Variants in SEPTIN2 observed in about 807,000 individuals in gnomAD.
The protein encoded by SEPTIN2 is septin-2.
In SEPTIN2, 34 loss-of-function variants were observed where a neutral mutation model predicts 46.5. The observed-to-expected ratio is 0.73, with a 90% CI of 0.56 to 0.97. The LOEUF (loss-of-function observed/expected upper bound fraction) is 0.97, where lower values mean the gene tolerates loss of function less well. Among genes scored for constraint, SEPTIN2 ranks in the 50% least tolerant of loss-of-function variants. The probability of loss-of-function intolerance (pLI) is 0.00; values close to 1 mark genes in which losing one functional copy is unlikely to be tolerated. For missense variants in SEPTIN2, 347 were observed against 448.4 expected, an observed-to-expected ratio of 0.77 and a Z score of 2.04; for synonymous variants, 175 against 153.4, an observed-to-expected ratio of 1.14 and a Z score of -1.04.
At chr2:241,333,665 G>A (rs562014983) in intron 3 of SEPTIN2, among the ~76,000 whole-genome samples, 38 of 151,628 alleles carry the variant, frequency 2.5e-4, no homozygotes, top group Non-Finnish European at 4.7e-4. Flanking sequence ...CACCACGCCC[G>A]GCTAATTTTT....
chr2:241,334,606 G>A (rs755652031), intron 3 of SEPTIN2, among the ~76,000 whole-genome samples: 2 of 152,178 alleles, frequency 1.3e-5, no homozygotes, highest in Non-Finnish European at 2.9e-5. Context: ...TGGCAGAAGG[G>A]GGAGGTTGCA....
chr2:241,333,941 C>T (rs1014606715), intron 3 of SEPTIN2, among the ~76,000 whole-genome samples: 13 of 151,914 alleles, frequency 8.6e-5, no homozygotes, highest in Admixed American at 2.0e-4. Context: ...ATCTCTAACT[C>T]CTGGGCTCAA....
At chr2:241,333,260 A>G (rs1372891194) in intron 3 of SEPTIN2, among the ~76,000 whole-genome samples, 2 of 152,216 alleles carry the variant, frequency 1.3e-5, no homozygotes, top group Non-Finnish European at 2.9e-5. Flanking sequence ...AACACACCTA[A>G]TTAGTAAATG....
chr2:241,320,289 T>C (rs1472057218), intron 1 of SEPTIN2: 1 of 471,202 alleles, frequency 2.1e-6, no homozygotes, highest in South Asian at 1.5e-5. Flanking sequence ...TTTTCATTGG[T>C]ATGTCTTTAA....
chr2:241,335,711 C>A lies in SEPTIN2; in HGVS notation c.218-264C>A, dbSNP rs955059812. The A allele has an allele frequency of 5.3e-6, 3 of 568,362 alleles. No homozygotes were observed. The African/African-American group carries it at 5.6e-5, about 11-fold the overall frequency. 35.2% of individuals were successfully genotyped at this position (568,362 alleles called of 1,614,324 possible). A position where few individuals can be genotyped will look rare whatever the true frequency, so the allele number is the denominator to read the frequency against. ...TTTGAATTCAGTTTTTAAATGAATTCGTAAATTGCTTTCTTTTTCCCAGGA... is the reference window on the plus strand; with the variant it reads ...TTTGAATTCAGTTTTTAAATGAATTAGTAAATTGCTTTCTTTTTCCCAGGA... On this transcript the variant is annotated intron_variant, in intron 4 of 12. Transcript: ENST00000391971.
rs1575361967 is a variant in SEPTIN2 at position 241,343,804 on chromosome 2, G to A, written c.749G>A (p.Gly250Glu). ...TCCAATCAGTTGATTGAAGCCAAAG[G>A]AAAGAAGGTCAGAGGCCGCCTCTAC... ...VGSNQLIEAK[G>E]KKVRGRLYPW... Residue 250 changes from glycine to glutamate, a missense_variant, in exon 9 of 13, where the codon GGA becomes GAA. Coordinates refer to ENST00000391971, the MANE Select transcript of SEPTIN2 (RefSeq NM_004404.5). 3 of 1,614,192 alleles carry A rather than the reference G, an allele frequency of 1.9e-6. No homozygotes were observed. The South Asian group carries it at 3.3e-5, about 18-fold the overall frequency.
At chr2:241,346,381 A>G (rs1310024252) in intron 10 of SEPTIN2, 132 bp downstream of exon 10, 2 of 574,102 alleles carry the variant, frequency 3.5e-6, no homozygotes, top group African/African-American at 1.9e-5. Context: ...AAGTTATTAT[A>G]AAAGAGTTGT....
chr2:241,319,056 T>C (rs566177654), intron 1 of SEPTIN2, among the ~76,000 whole-genome samples: 7 of 152,362 alleles, frequency 4.6e-5, no homozygotes, highest in African/African-American at 1.7e-4. Context: ...CTTTTGATTT[T>C]CTTGTTTCAT....
chr2:241,316,527 G>C (rs1052546266), intron 1 of SEPTIN2: 1 of 1,521,974 alleles, frequency 6.6e-7, no homozygotes, highest in African/African-American at 1.4e-5. Flanking sequence ...CTTCGGCGAG[G>C]AGAGGCGACG....
At chr2:241,351,452 T>G (rs2060785630) in intron 12 of SEPTIN2, 1 of 152,226 alleles carries the variant, frequency 6.6e-6, no homozygotes, top group Non-Finnish European at 1.5e-5. Flanking sequence ...AGAATAGTCC[T>G]GAGGGTATGT....
chr2:241,337,789 G>A lies in SEPTIN2; in HGVS notation c.593G>A (p.Arg198Lys), dbSNP rs771203614. 59 of 1,610,514 alleles carry A rather than the reference G, an allele frequency of 3.7e-5. No individual in the cohort carries two copies. The highest frequency in any genetic ancestry group is 4.8e-5 in the Non-Finnish European group (57 of 1,176,956). Residue 198 changes from arginine to lysine, a missense_variant and splice_region_variant, in exon 7 of 13, where the codon AGG becomes AAG. Transcript: ENST00000391971. ...TLKERERLKK[R>K]ILDEIEEHNI... ...AAGGAACGGGAGCGGCTGAAGAAAAGGGTGAGTGAGGCTGGCGTCCTGCCC... is the reference window on the plus strand; with the variant it reads ...AAGGAACGGGAGCGGCTGAAGAAAAAGGTGAGTGAGGCTGGCGTCCTGCCC...
intron 1 of SEPTIN2, chr2:241,320,115 C>T: frequency 4.8e-6 from 2 of 414,282 alleles, no homozygotes; most frequent in South Asian, 3.6e-5. Context: ...TCATTCATTC[C>T]TTTGTTCCTT....
At chr2:241,345,943 C>T (rs1461709331) in intron 9 of SEPTIN2, among the ~76,000 whole-genome samples, 1 of 152,172 alleles carries the variant, frequency 6.6e-6, no homozygotes, top group African/African-American at 2.4e-5. Context: ...TCAGTCGAGA[C>T]CTGTGTTTGT....
intron 8 of SEPTIN2, among the ~76,000 whole-genome samples, chr2:241,343,447 C>T (rs748018300): frequency 2.6e-4 from 39 of 151,658 alleles, no homozygotes; most frequent in Non-Finnish European, 4.7e-4. Flanking sequence ...TGCAGTGAGC[C>T]GAGATCGCGC....
At chr2:241,330,689 T>A (rs2078852277) in intron 3 of SEPTIN2, among the ~76,000 whole-genome samples, 2 of 152,248 alleles carry the variant, frequency 1.3e-5, no homozygotes, top group African/African-American at 4.8e-5. Flanking sequence ...ACTCTGCTAT[T>A]GTTCCGTAAT....
chr2:241,334,499 G>C (rs1159335041), intron 3 of SEPTIN2, among the ~76,000 whole-genome samples: 1 of 152,154 alleles, frequency 6.6e-6, no homozygotes, highest in Non-Finnish European at 1.5e-5. Flanking sequence ...TGAATTAGTC[G>C]TGTGAACTCA....
Position 241,350,148 on chromosome 2 carries a change from G to C in SEPTIN2, c.1060G>C (p.Gly354Arg). The change falls in exon 12 of 13, where the codon GGC (glycine) becomes CGC (arginine). Residue 354 changes from glycine to arginine, a missense_variant. Coordinates refer to ENST00000391971, the MANE Select transcript of SEPTIN2 (RefSeq NM_004404.5). ...QMQMQGGDGDGGALGHHV is the reference protein window; with the variant it reads ...QMQMQGGDGDRGALGHHV Reference sequence around the variant, plus strand: ...GCAGATGCAGGGCGGGGATGGCGATGGCGGGGCTCTCGGGCACCACGTGTA... The same window carrying C: ...GCAGATGCAGGGCGGGGATGGCGATCGCGGGGCTCTCGGGCACCACGTGTA... 1 of 1,613,892 alleles carries C rather than the reference G, an allele frequency of 6.2e-7. No homozygotes were observed. The highest frequency in any genetic ancestry group is 8.5e-7 in the Non-Finnish European group (1 of 1,179,876).
chr2:241,316,749 C>T (rs979465208), intron 1 of SEPTIN2: 1 of 435,538 alleles, frequency 2.3e-6, no homozygotes, highest in Non-Finnish European at 4.1e-6. Flanking sequence ...ACCTTGTCCT[C>T]TCTCCACGGA....
At chr2:241,342,735 A>G (rs2081425810) in intron 7 of SEPTIN2, among the ~76,000 whole-genome samples, 1 of 151,770 alleles carries the variant, frequency 6.6e-6, no homozygotes, top group Non-Finnish European at 1.5e-5. Context: ...ACAGGGTTTC[A>G]CCATGTTAGC....
Sources: gnomAD v4.1 joint callset for allele counts (sites outside exome capture counted in the v4.1 genomes callset) on GRCh38, gnomAD v4.1.1 for gene constraint, MANE v1.5 for transcripts, NCBI Gene and HGNC (gene_info 2026-07-23, HGNC 2026-07-21) for gene names.